The following ZNF804A variants were observed in gnomAD, a reference collection of about 807,000 sequenced individuals.
ZNF804A encodes zinc finger protein 804A.
In ZNF804A, 2 loss-of-function variants were observed where a neutral mutation model predicts 16.5. The ratio of observed to expected loss-of-function variants is 0.12; its 90% CI spans 0.05 to 0.38. The LOEUF is 0.38. Among genes scored for constraint, ZNF804A ranks in the 10% least tolerant of loss-of-function variants. ZNF804A has a pLI of 0.99. For synonymous variants in ZNF804A, 534 were observed against 489.6 expected, an observed-to-expected ratio of 1.09 and a Z score of -1.20; for missense variants, 1,473 against 1,390.7, an observed-to-expected ratio of 1.06 and a Z score of -0.94.
chr2:184,869,949 A>G (rs1223699308), intron 2 of ZNF804A, among the ~76,000 whole-genome samples: 2 of 152,076 alleles, frequency 1.3e-5, no homozygotes, highest in Admixed American at 6.6e-5. Context: ...GAAAGAAGAA[A>G]TACAGGGGTA....
intron 1 of ZNF804A, among the ~76,000 whole-genome samples, chr2:184,692,598 C>T (rs1234307346): frequency 6.6e-6 from 1 of 152,186 alleles, no homozygotes. Context: ...CTTTCAATGT[C>T]TCACAGTAAA....
In ZNF804A at chr2:184,815,830, G is replaced by C. The variant is rs140293008; in HGVS notation, c.112-50539G>C. Among the ~76,000 whole-genome samples the C allele has an allele frequency of 2.6e-3, 403 of 152,082 alleles. 1 individual carries two copies. The highest frequency in any genetic ancestry group is 9.2e-3 in the African/African-American group (384 of 41,524). ...GCTATCACATTGACTCTATCAAGAT[G>C]AGGAAATGATATCTGGAGTGCATGT... On this transcript the variant is annotated intron_variant, in intron 1 of 3. Transcript: ENST00000302277.
At chr2:184,885,915 T>C (rs62200793) in intron 2 of ZNF804A, among the ~76,000 whole-genome samples, 22,917 of 152,106 alleles carry the variant, frequency 0.15, 2,235 homozygotes, top group East Asian at 0.3. Flanking sequence ...AATCATATCA[T>C]TCCAACCGTG....
At chr2:184,830,110 CCACACACACACACACA>C (rs151005970) in intron 1 of ZNF804A, among the ~76,000 whole-genome samples, 1 of 141,568 alleles carries the variant, frequency 7.1e-6, no homozygotes, top group Non-Finnish European at 1.6e-5. Context: ...ACACACCCAC[CCACACACACACACACA>C]CACACACACA....
At chr2:184,820,522 T>C (rs1695059946) in intron 1 of ZNF804A, among the ~76,000 whole-genome samples, 1 of 152,064 alleles carries the variant, frequency 6.6e-6, no homozygotes, top group Non-Finnish European at 1.5e-5. Context: ...AAGGATGACC[T>C]CTCTCACCAC....
intron 2 of ZNF804A, among the ~76,000 whole-genome samples, chr2:184,884,038 G>A (rs1259137980): frequency 1.3e-5 from 2 of 152,032 alleles, no homozygotes; most frequent in East Asian, 3.9e-4. Context: ...CAGCCAATAT[G>A]ATGTTATACC....
intron 1 of ZNF804A, among the ~76,000 whole-genome samples, chr2:184,721,536 T>C (rs1050647631): frequency 1.3e-5 from 2 of 152,108 alleles, no homozygotes; most frequent in Non-Finnish European, 2.9e-5. Flanking sequence ...CAATGAGTTA[T>C]CATCTTACTC....
chr2:184,788,041 T>A (rs2105777277), intron 1 of ZNF804A, among the ~76,000 whole-genome samples: 1 of 152,128 alleles, frequency 6.6e-6, no homozygotes, highest in Admixed American at 6.6e-5. Context: ...TAGGATAGTT[T>A]CATTCTCCTG....
chr2:184,722,439 C>G (rs1255928990), intron 1 of ZNF804A, among the ~76,000 whole-genome samples: 2 of 151,852 alleles, frequency 1.3e-5, no homozygotes, highest in Non-Finnish European at 2.9e-5. Context: ...ATTACAAAAT[C>G]TACTGTGAAT....
intron 1 of ZNF804A, among the ~76,000 whole-genome samples, chr2:184,856,334 C>A: frequency 6.6e-6 from 1 of 151,640 alleles, no homozygotes; most frequent in East Asian, 1.9e-4. Flanking sequence ...CAACTGTTTC[C>A]AATGTTTCTT....
At chr2:184,784,060 C>T (rs979042307) in intron 1 of ZNF804A, among the ~76,000 whole-genome samples, 3 of 151,842 alleles carry the variant, frequency 2.0e-5, no homozygotes, top group Non-Finnish European at 4.4e-5. Context: ...TGAAAACATC[C>T]AGTTTGGTTA....
intron 1 of ZNF804A, among the ~76,000 whole-genome samples, chr2:184,616,299 T>C (rs1448792771): frequency 6.6e-6 from 1 of 152,174 alleles, no homozygotes; most frequent in African/African-American, 2.4e-5. Flanking sequence ...TTTGTTTCTG[T>C]TTCTTTGTCT....
intron 2 of ZNF804A, among the ~76,000 whole-genome samples, chr2:184,888,136 A>G (rs1684925646): frequency 6.6e-6 from 1 of 152,198 alleles, no homozygotes. Flanking sequence ...AAAATTTTTA[A>G]TGAAAATTTA....
intron 1 of ZNF804A, among the ~76,000 whole-genome samples, chr2:184,640,642 G>A (rs1160312666): frequency 6.6e-6 from 1 of 152,064 alleles, no homozygotes; most frequent in East Asian, 1.9e-4. Flanking sequence ...ATAATATCAG[G>A]TGAGGAGTTG....
chr2:184,736,614 G>A (rs1035243700), intron 1 of ZNF804A, among the ~76,000 whole-genome samples: 2 of 151,962 alleles, frequency 1.3e-5, no homozygotes, highest in South Asian at 4.1e-4. Context: ...GAACCTAGAT[G>A]GTGGGTCAAT....
intron 2 of ZNF804A, among the ~76,000 whole-genome samples, chr2:184,879,769 C>A (rs1684779934): frequency 6.6e-6 from 1 of 151,946 alleles, no homozygotes; most frequent in South Asian, 2.1e-4. Context: ...ACCTCACAAA[C>A]AATGAGACAT....
chr2:184,673,841 C>G (rs1210640413), intron 1 of ZNF804A, among the ~76,000 whole-genome samples: 3 of 152,144 alleles, frequency 2.0e-5, no homozygotes, highest in African/African-American at 7.2e-5. Flanking sequence ...CTTCCAAGGA[C>G]AGACTTTAAA....
chr2:184,815,498 ATAT>A (rs1359885917), intron 1 of ZNF804A, among the ~76,000 whole-genome samples: 3 of 151,824 alleles, frequency 2.0e-5, no homozygotes, highest in African/African-American at 4.8e-5. Flanking sequence ...TAGTAAAATA[ATAT>A]TATAAATCAG....
intron 1 of ZNF804A, among the ~76,000 whole-genome samples, chr2:184,816,682 C>T (rs556695131): frequency 1.3e-5 from 2 of 151,934 alleles, no homozygotes; most frequent in Non-Finnish European, 2.9e-5. Flanking sequence ...ACAATGTTAC[C>T]GTTATCTCCC....
Sources: allele counts gnomAD v4.1 joint callset (sites outside exome capture counted in the v4.1 genomes callset), GRCh38; gene constraint gnomAD v4.1.1; transcripts MANE v1.5; gene names NCBI Gene and HGNC (gene_info 2026-07-23, HGNC 2026-07-21).